Variants in ZNF100 observed in about 807,000 individuals in gnomAD.
ZNF100 encodes the protein zinc finger protein 100, also known as zinc finger protein 100 (Y1).
ZNF100 carries 12 observed loss-of-function variants against 15.8 expected under a neutral mutation model. That is an observed-to-expected ratio of 0.76 (90% confidence interval 0.49 to 1.23). ZNF100 has a LOEUF of 1.23. ZNF100 is among the 50% of genes most tolerant of loss of function. ZNF100 has a pLI of 0.00. For missense variants in ZNF100, 670 were observed against 635.6 expected, an observed-to-expected ratio of 1.05 and a Z score of -0.58; for synonymous variants, 226 against 214.8, an observed-to-expected ratio of 1.05 and a Z score of -0.45.
Position 21,722,777 on chromosome 19 carries a change from TA to T in ZNF100, c.*3905del, listed in dbSNP as rs2145669266. The T allele has an allele frequency of 6.7e-6, 1 of 149,930 alleles. No individual in the cohort carries two copies. Among genetic ancestry groups the T allele is most frequent in the East Asian group, 1.9e-4 (1 of 5,150 alleles). 9.3% of individuals were successfully genotyped at this position (149,930 alleles called of 1,614,324 possible). ...AAAAAAAAAAATTATGTTATACTTT[TA>T]TTATATAAGTATATATTTTAATAAA... On this transcript the variant is annotated 3_prime_UTR_variant, in exon 5 of 5. Transcript: ENST00000358296.
chr19:21,743,393 CA>C (rs984007065), intron 4 of ZNF100, among the ~76,000 whole-genome samples: 1 of 152,124 alleles, frequency 6.6e-6, no homozygotes, highest in African/African-American at 2.4e-5. Flanking sequence ...ATTCCAGTGG[CA>C]TTTTTTTCCA....
intron 2 of ZNF100, chr19:21,753,084 A>T (rs965895297): frequency 6.6e-5 from 10 of 152,212 alleles, no homozygotes; most frequent in Non-Finnish European, 1.0e-4. Context: ...AAAGCTTTAT[A>T]TTCAAAATTC....
At chr19:21,745,926 G>GA (rs1258336288) in intron 2 of ZNF100, among the ~76,000 whole-genome samples, 1 of 152,168 alleles carries the variant, frequency 6.6e-6, no homozygotes, top group Non-Finnish European at 1.5e-5. Context: ...TGTTTTACCA[G>GA]ATTTTTCTGG....
rs566590185 is a variant in ZNF100, at chr19:21,767,392, G to A, written c.3+35C>T. ...CCCACCAGTTCCAACCAGCCCTTTC[G>A]CCGTCTCTCGGGATGTCGGACCGGG... On this transcript the variant is annotated intron_variant, in intron 1 of 4. Transcript: ENST00000358296. 57 of 1,609,556 alleles carry A rather than the reference G, an allele frequency of 3.5e-5. No individual in the cohort carries two copies. In the East Asian group the frequency reaches 1.2e-3, roughly 33 times the overall value.
chr19:21,767,566 C>G lies in ZNF100; in HGVS notation c.-137G>C, dbSNP rs1405786016. ...GCAAAACCTGGAGCTCCGGCTACAGCGAGAGACAAAGACCCCGCCAAACCC... is the reference window on the plus strand; with the variant it reads ...GCAAAACCTGGAGCTCCGGCTACAGGGAGAGACAAAGACCCCGCCAAACCC... On this transcript the variant is annotated 5_prime_UTR_variant, in exon 1 of 5. Coordinates refer to ENST00000358296, the MANE Select transcript of ZNF100 (RefSeq NM_173531.4). The G allele has an allele frequency of 5.8e-6, 8 of 1,380,864 alleles. No individual in the cohort carries two copies. Among genetic ancestry groups the G allele is most frequent in the Non-Finnish European group, 7.9e-6 (8 of 1,009,178 alleles). The allele number at this position is 1,380,864 out of a possible 1,614,324, so 85.5% of individuals were successfully genotyped here. A position where few individuals can be genotyped will look rare whatever the true frequency, so the allele number is the denominator to read the frequency against.
chr19:21,738,279 A>C (rs994408679), intron 4 of ZNF100, among the ~76,000 whole-genome samples: 17 of 107,502 alleles, frequency 1.6e-4, no homozygotes, highest in African/African-American at 5.2e-4. Flanking sequence ...AAAAAAAAAA[A>C]AAAAAAAAAA....
At chr19:21,751,234 A>T in intron 2 of ZNF100, 1 of 1,260,108 alleles carries the variant, frequency 7.9e-7, no homozygotes, top group Non-Finnish European at 1.2e-6. Context: ...TCTAGGTGAC[A>T]GAACAGTCAG....
intron 2 of ZNF100, chr19:21,752,013 G>A (rs770635013): frequency 5.9e-5 from 19 of 319,922 alleles, no homozygotes; most frequent in Non-Finnish European, 1.0e-4. Flanking sequence ...CAAAATTAGT[G>A]TTTTCATCAA....
In ZNF100 at chr19:21,745,071, A is replaced by G. The variant is rs758021964; in HGVS notation, c.97-4T>C. On this transcript the variant is annotated splice_region_variant and splice_polypyrimidine_tract_variant and intron_variant, in intron 2 of 4. Transcript: ENST00000358296. ...CATCCCTAAACGTCAATGGCCCCTG[A>G]AAAGCACAAGCACAGAGACACACAT... The G allele has an allele frequency of 1.9e-6, 3 of 1,597,838 alleles. No individual in the cohort carries two copies. The highest frequency in any genetic ancestry group is 2.6e-6 in the Non-Finnish European group (3 of 1,170,172).
At chr19:21,765,851 G>A in intron 1 of ZNF100, 65 bp from the exon 2 acceptor site, 1 of 1,500,762 alleles carries the variant, frequency 6.7e-7, no homozygotes, top group Non-Finnish European at 9.3e-7. Flanking sequence ...AACCATGGCG[G>A]ATATCTCGGT....
intron 2 of ZNF100, among the ~76,000 whole-genome samples, chr19:21,754,154 T>C (rs1260487475): frequency 1.3e-5 from 2 of 152,122 alleles, no homozygotes; most frequent in Non-Finnish European, 1.5e-5. Context: ...TCACATCATA[T>C]TGTGCTGCAA....
intron 2 of ZNF100, among the ~76,000 whole-genome samples, chr19:21,746,227 A>G (rs897105867): frequency 1.3e-5 from 2 of 152,222 alleles, no homozygotes; most frequent in Non-Finnish European, 2.9e-5. Context: ...AAAGTAAATT[A>G]TATTCTGAAT....
intron 2 of ZNF100, chr19:21,752,601 T>C (rs1011664052): frequency 1.3e-5 from 2 of 152,646 alleles, no homozygotes; most frequent in African/African-American, 2.4e-5. Context: ...TTGGGGTCCA[T>C]GTTGCATTTC....
At chr19:21,740,045 G>A (rs201053098) in intron 4 of ZNF100, among the ~76,000 whole-genome samples, 77 of 145,964 alleles carry the variant, frequency 5.3e-4, no homozygotes, top group South Asian at 6.6e-4. Context: ...CCCATGAAAA[G>A]AACAAACAGG....
In ZNF100 at chr19:21,727,859, A is replaced by C; in HGVS notation, c.453T>G (p.Ser151Arg). ...DNLQLQKGCK[S>R]VDECKVHKEH... is the part of the protein sequence containing the mutation. The stretch of plus-strand genomic sequence containing the variant: ...CTTTGTGCACTTTACACTCATCCAC[A>C]CTTTTACAGCCTTTTTGTAACTGTA... The change falls in exon 5 of 5, where the codon AGT (serine) becomes AGG (arginine). Residue 151 changes from serine to arginine, a missense_variant. Coordinates refer to ENST00000358296, the MANE Select transcript of ZNF100 (RefSeq NM_173531.4). 1 of 1,611,578 alleles carries C rather than the reference A, an allele frequency of 6.2e-7. No individual in the cohort carries two copies. The highest frequency in any genetic ancestry group is 1.1e-5 in the South Asian group (1 of 90,262).
chr19:21,765,917 G>A, intron 1 of ZNF100, 131 bp from the exon 2 acceptor site: 1 of 803,382 alleles, frequency 1.2e-6, no homozygotes, highest in Non-Finnish European at 2.0e-6. Context: ...GGGTGGCTGA[G>A]GACACATCAC....
chr19:21,751,671 C>A, intron 2 of ZNF100: 1 of 1,306,032 alleles, frequency 7.7e-7, no homozygotes, highest in Non-Finnish European at 1.1e-6. Flanking sequence ...AGGCATTTTT[C>A]GGAGCTTCTT....
chr19:21,723,157 G>A lies in ZNF100; in HGVS notation c.*3526C>T, dbSNP rs1313361634. On this transcript the variant is annotated 3_prime_UTR_variant, in exon 5 of 5. Coordinates refer to ENST00000358296, the MANE Select transcript of ZNF100 (RefSeq NM_173531.4). ...ATATGAGGTCAGGAGTTTGAAACCA[G>A]CCTGGCCAACATGGTGAAACTTCGT... 1 of 151,048 alleles carries A rather than the reference G, an allele frequency of 6.6e-6. No homozygotes were observed. The highest frequency in any genetic ancestry group is 1.5e-5 in the Non-Finnish European group (1 of 67,862). The allele number at this position is 151,048 out of a possible 1,614,324, so 9.4% of individuals were successfully genotyped here.
intron 4 of ZNF100, 22 bp downstream of exon 4, chr19:21,743,995 T>C: frequency 6.3e-7 from 1 of 1,598,888 alleles, no homozygotes; most frequent in Non-Finnish European, 8.5e-7. Flanking sequence ...CTGTGTCATC[T>C]GTTGTGTTCA....
Sources: allele counts gnomAD v4.1 joint callset (sites outside exome capture counted in the v4.1 genomes callset), GRCh38; gene constraint gnomAD v4.1.1; transcripts MANE v1.5; gene names NCBI Gene and HGNC (gene_info 2026-07-23, HGNC 2026-07-21).